Variants in CDS1 observed in about 807,000 individuals in gnomAD.
CDS1 encodes phosphatidate cytidylyltransferase 1.
A neutral mutation model predicts 62.1 loss-of-function variants in CDS1; 41 were observed. The observed-to-expected ratio is 0.66, with a 90% CI of 0.51 to 0.86. The LOEUF (loss-of-function observed/expected upper bound fraction) is 0.86. CDS1 is among the 40% of genes least tolerant of loss of function. The pLI is 0.00. For synonymous variants in CDS1, 185 were observed against 192.6 expected (o/e 0.96, Z 0.32); for missense variants, 470 against 550.1 (o/e 0.85, Z 1.46).
intron 6 of CDS1, among the ~76,000 whole-genome samples, chr4:84,632,183 T>C (rs1459618179): frequency 6.6e-6 from 1 of 152,174 alleles, no homozygotes; most frequent in Non-Finnish European, 1.5e-5. Flanking sequence ...CTTAGTCTCC[T>C]GGACAGTTAC....
intron 1 of CDS1, among the ~76,000 whole-genome samples, chr4:84,595,157 G>A (rs1434613249): frequency 1.3e-5 from 2 of 152,190 alleles, no homozygotes; most frequent in Admixed American, 1.3e-4. Flanking sequence ...CAGATGACTG[G>A]CTAAAGGTGA....
chr4:84,595,625 C>T lies in CDS1; in HGVS notation c.118-8618C>T, dbSNP rs1722725294. Among the ~76,000 whole-genome samples, 4 of 152,290 alleles carry T rather than the reference C, an allele frequency of 2.6e-5. No homozygotes were observed. The South Asian group carries it at 8.3e-4, about 32-fold the overall frequency. Reference sequence around the variant, plus strand: ...GAGGGGGCCAACCGTACTTGTTTCTCACTCTAAATGAAGGCAAGGCAGAAA... The same window carrying T: ...GAGGGGGCCAACCGTACTTGTTTCTTACTCTAAATGAAGGCAAGGCAGAAA... On this transcript the variant is annotated intron_variant, in intron 1 of 12. Coordinates refer to ENST00000295887, the MANE Select transcript of CDS1 (RefSeq NM_001263.4).
intron 3 of CDS1, among the ~76,000 whole-genome samples, chr4:84,612,704 G>T (rs2148643760): frequency 6.6e-6 from 1 of 152,196 alleles, no homozygotes; most frequent in East Asian, 1.9e-4. Context: ...GAGTATTAAA[G>T]ATCTGGCCAG....
chr4:84,599,441 T>C (rs1251047176), intron 1 of CDS1, among the ~76,000 whole-genome samples: 4 of 111,394 alleles, frequency 3.6e-5, no homozygotes, highest in African/African-American at 6.3e-5. Context: ...TATATATATA[T>C]ATATATATAT....
chr4:84,584,183 C>A (rs1722344693), intron 1 of CDS1, among the ~76,000 whole-genome samples: 1 of 152,142 alleles, frequency 6.6e-6, no homozygotes, highest in Non-Finnish European at 1.5e-5. Context: ...ACTTCCTTTT[C>A]TATAGATTAC....
chr4:84,601,057 C>CGGCT (rs1722920093), intron 1 of CDS1, among the ~76,000 whole-genome samples: 1 of 150,548 alleles, frequency 6.6e-6, no homozygotes, highest in African/African-American at 2.4e-5. Context: ...CCTGTAGTCC[C>CGGCT]GGCTACTCAG....
chr4:84,592,478 A>G lies in CDS1; in HGVS notation c.117+8960A>G, dbSNP rs76010615. On this transcript the variant is annotated intron_variant, in intron 1 of 12. Transcript: ENST00000295887. ...GTGAGCCACTGTGCCCAGCCAACCA[A>G]TTGGTTTTTGATCATCCCTGAGATA... Among the ~76,000 whole-genome samples, 189 of 152,176 alleles carry G rather than the reference A, an allele frequency of 1.2e-3. 4 individuals are homozygous for G. In the East Asian group the frequency reaches 0.034, roughly 27 times the overall value.
chr4:84,616,759 C>T (rs997552853), intron 3 of CDS1, among the ~76,000 whole-genome samples: 13 of 152,152 alleles, frequency 8.5e-5, no homozygotes, highest in African/African-American at 2.7e-4. Flanking sequence ...GGTCAAGCAC[C>T]GGGTGTGATG....
intron 1 of CDS1, among the ~76,000 whole-genome samples, chr4:84,595,583 A>T (rs1722724045): frequency 6.6e-6 from 1 of 152,278 alleles, no homozygotes; most frequent in Admixed American, 6.5e-5. Flanking sequence ...ATTCACGAAT[A>T]TGGAACCCAC....
chr4:84,600,949 G>C (rs374553031), intron 1 of CDS1, among the ~76,000 whole-genome samples: 99 of 152,008 alleles, frequency 6.5e-4, no homozygotes, highest in African/African-American at 2.4e-3. Flanking sequence ...CAGGTGGATT[G>C]CTTGAGCCCA....
chr4:84,624,179 C>T (rs1436617037), intron 5 of CDS1, among the ~76,000 whole-genome samples: 1 of 149,458 alleles, frequency 6.7e-6, no homozygotes, highest in Non-Finnish European at 1.5e-5. Context: ...GAGGCTGAGG[C>T]GGGAGAATGG....
chr4:84,621,635 C>G (rs916941709), intron 5 of CDS1, among the ~76,000 whole-genome samples: 2 of 152,102 alleles, frequency 1.3e-5, no homozygotes, highest in African/African-American at 4.8e-5. Flanking sequence ...CCATGTGGCC[C>G]AGGCTGGTCT....
rs192810805 is a variant in CDS1 at position 84,600,240 on chromosome 4, T to A, written c.118-4003T>A. Among the ~76,000 whole-genome samples the A allele has an allele frequency of 1.9e-3, 284 of 152,310 alleles. 2 individuals carry two copies. The highest frequency in any genetic ancestry group is 6.5e-3 in the African/African-American group (272 of 41,572). On this transcript the variant is annotated intron_variant, in intron 1 of 12. Transcript: ENST00000295887. ...TTGTTTCCTTGTCGAATTTTGAGAG[T>A]TCTTTATGTATTCCAGATTACAAGT... is the stretch of plus-strand genomic sequence containing the variant.
Position 84,607,747 on chromosome 4 carries a change from A to G in CDS1, c.246-1682A>G, listed in dbSNP as rs531471696. Among the ~76,000 whole-genome samples, 3 of 151,990 alleles carry G rather than the reference A, an allele frequency of 2.0e-5. No individual in the cohort carries two copies. The South Asian group carries it at 6.2e-4, about 32-fold the overall frequency. On this transcript the variant is annotated intron_variant, in intron 2 of 12. Coordinates refer to ENST00000295887, the MANE Select transcript of CDS1 (RefSeq NM_001263.4). ...CCTGTCTCTATTTTTTTTTAAAAAA[A>G]AGGAGTGAGGACTTGTGCTTAGAAT...
chr4:84,600,135 A>G (rs912308399), intron 1 of CDS1, among the ~76,000 whole-genome samples: 1 of 152,226 alleles, frequency 6.6e-6, no homozygotes, highest in Admixed American at 6.5e-5. Flanking sequence ...ATGACTAATA[A>G]TGTTGAACAT....
Position 84,637,919 on chromosome 4 carries a change from G to A in CDS1, c.811-1005G>A, listed in dbSNP as rs1724263385. On this transcript the variant is annotated intron_variant, in intron 8 of 12. Coordinates refer to ENST00000295887, the MANE Select transcript of CDS1 (RefSeq NM_001263.4). ...GAGAAGGTGTGTCTGTCCCTTCTCT[G>A]TGGCAGAATTGTTATCAGATTTGTC... Among the ~76,000 whole-genome samples the A allele has an allele frequency of 2.0e-5, 3 of 152,254 alleles. 1 individual carries two copies. The South Asian group carries it at 6.2e-4, about 32-fold the overall frequency.
chr4:84,643,068 G>C lies in CDS1; in HGVS notation c.1077G>C (p.Leu359=). 3 of 1,613,108 alleles carry C rather than the reference G, an allele frequency of 1.9e-6. No individual in the cohort carries two copies. Among genetic ancestry groups the C allele is most frequent in the Non-Finnish European group, 1.7e-6 (2 of 1,179,436 alleles). The change falls in exon 11 of 13, where the codon CTG becomes CTC. Residue 359 remains leucine (L), a synonymous_variant. Coordinates refer to ENST00000295887, the MANE Select transcript of CDS1 (RefSeq NM_001263.4). ...CTTTCCAGATCCACAGCATTGCACT[G>C]TCAACCTTTGCATCTTTAATTGGCC... ...LYPFQIHSIA[L]STFASLIGPF... is the part of the protein sequence containing the mutation.
At chr4:84,601,933 GCATACATACATACATA>G (rs58079633) in intron 1 of CDS1, among the ~76,000 whole-genome samples, 1 of 151,174 alleles carries the variant, frequency 6.6e-6, no homozygotes, top group African/African-American at 2.4e-5. Context: ...ATACATACAT[GCATACATACATACATA>G]CATACATACG....
intron 5 of CDS1, among the ~76,000 whole-genome samples, chr4:84,621,663 G>A (rs1723690481): frequency 6.6e-6 from 1 of 152,168 alleles, no homozygotes; most frequent in South Asian, 2.1e-4. Context: ...CTGGGCTCAA[G>A]GGATCCTTCC....
Sources: allele counts gnomAD v4.1 joint callset (sites outside exome capture counted in the v4.1 genomes callset), GRCh38; gene constraint gnomAD v4.1.1; transcripts MANE v1.5; gene names NCBI Gene and HGNC (gene_info 2026-07-23, HGNC 2026-07-21).